The following HHAT variants were observed in gnomAD, a reference collection of about 807,000 sequenced individuals.
HHAT encodes the protein hedgehog acyltransferase, also known as protein-cysteine N-palmitoyltransferase HHAT.
Under a neutral mutation model 70.8 loss-of-function variants are expected in HHAT, and 47 were observed. That is an observed-to-expected ratio of 0.66 (90% CI 0.53 to 0.85). HHAT has a LOEUF of 0.85. HHAT is among the 40% of genes least tolerant of loss of function. HHAT has a pLI of 0.00. For synonymous variants in HHAT, 228 were observed against 247.6 expected (o/e 0.92, Z 0.74); for missense variants, 609 against 604.8 (o/e 1.01, Z -0.07).
chr1:210,366,654 A>T (rs1347550488), intron 3 of HHAT, among the ~76,000 whole-genome samples: 1 of 152,182 alleles, frequency 6.6e-6, no homozygotes, highest in Non-Finnish European at 1.5e-5. Context: ...GAAACAATTT[A>T]AAAAGTCTCC....
At chr1:210,648,744 A>G (rs1387064297) in intron 11 of HHAT, among the ~76,000 whole-genome samples, 2 of 152,236 alleles carry the variant, frequency 1.3e-5, no homozygotes. Context: ...TATTTGTCCT[A>G]TAGAGAAATG....
intron 3 of HHAT, among the ~76,000 whole-genome samples, chr1:210,373,662 T>C (rs1571965388): frequency 6.6e-6 from 1 of 152,226 alleles, no homozygotes; most frequent in African/African-American, 2.4e-5. Context: ...TGTGTACGTT[T>C]ATTAAACACT....
chr1:210,632,994 A>G (rs959710131), intron 11 of HHAT, among the ~76,000 whole-genome samples: 66 of 152,280 alleles, frequency 4.3e-4, no homozygotes, highest in African/African-American at 1.5e-3. Context: ...CCTCCCCACC[A>G]GATGTTGAGG....
At chr1:210,343,779 AAG>A (rs2086250321) in intron 1 of HHAT, among the ~76,000 whole-genome samples, 1 of 152,162 alleles carries the variant, frequency 6.6e-6, no homozygotes, top group Non-Finnish European at 1.5e-5. Flanking sequence ...AACTTCCTGA[AAG>A]AGGTCCAGAT....
rs371722219 is a variant in HHAT, at chr1:210,583,947, A to ATTTTTTTTTT, written c.1044-3937_1044-3928dup. ...TTTTCTGACATATACAGTGCAGCTA[A>ATTTTTTTTTT]TTTTTTTTTTTTTTTTTTTTTTTGT... On this transcript the variant is annotated intron_variant, in intron 9 of 11. Transcript: ENST00000261458. 1.6e-3 allele frequency among the ~76,000 whole-genome samples: 140 copies of ATTTTTTTTTT among 88,986 alleles called. 3 individuals are homozygous for ATTTTTTTTTT. The highest frequency in any genetic ancestry group is 1.9e-3 in the East Asian group (5 of 2,664). 58.4% of individuals were successfully genotyped at this position (88,986 alleles called of 152,430 possible). A position where few individuals can be genotyped will look rare whatever the true frequency, so the allele number is the denominator to read the frequency against.
intron 10 of HHAT, among the ~76,000 whole-genome samples, chr1:210,616,837 T>A (rs997699945): frequency 2.0e-5 from 3 of 152,230 alleles, no homozygotes; most frequent in Non-Finnish European, 4.4e-5. Context: ...GAATAGTTTT[T>A]ACCTACTTTA....
chr1:210,389,847 C>G (rs2091335151), intron 4 of HHAT, among the ~76,000 whole-genome samples: 1 of 152,192 alleles, frequency 6.6e-6, no homozygotes, highest in African/African-American at 2.4e-5. Flanking sequence ...CCAATTGCCT[C>G]TTAAAGGCTG....
intron 9 of HHAT, among the ~76,000 whole-genome samples, chr1:210,547,449 A>G (rs547387335): frequency 6.6e-6 from 1 of 152,200 alleles, no homozygotes; most frequent in African/African-American, 2.4e-5. Flanking sequence ...TGGTATTAAT[A>G]GAAAATTACA....
At chr1:210,486,823 A>G (rs902882353) in intron 8 of HHAT, among the ~76,000 whole-genome samples, 2 of 152,136 alleles carry the variant, frequency 1.3e-5, no homozygotes, top group African/African-American at 4.8e-5. Context: ...GGCTTGAGCA[A>G]TGGGCAGGTA....
chr1:210,569,396 A>AAAAAAAAAAAAAAAAAAAAC (rs1655654706), intron 9 of HHAT, among the ~76,000 whole-genome samples: 1 of 147,630 alleles, frequency 6.8e-6, no homozygotes, highest in Non-Finnish European at 1.5e-5. Flanking sequence ...AAAAAAAAAA[A>AAAAAAAAAAAAAAAAAAAAC]AAAGCGTATA....
At chr1:210,652,414 G>C (rs1398526516) in intron 11 of HHAT, among the ~76,000 whole-genome samples, 1 of 152,174 alleles carries the variant, frequency 6.6e-6, no homozygotes. Flanking sequence ...TAAAGATTCA[G>C]AAACAGTGAA....
chr1:210,328,364 C>T (rs1571600271), upstream of HHAT: 1 of 152,214 alleles, frequency 6.6e-6, no homozygotes, highest in African/African-American at 2.4e-5. Flanking sequence ...TCTTCGTACC[C>T]ATTTTGCAGT....
chr1:210,508,262 T>C (rs918997324), intron 8 of HHAT, among the ~76,000 whole-genome samples: 2 of 149,892 alleles, frequency 1.3e-5, no homozygotes, highest in African/African-American at 4.9e-5. Context: ...CAACTATAAT[T>C]TGTCACTATG....
chr1:210,480,262 T>C (rs2094373672), intron 8 of HHAT, among the ~76,000 whole-genome samples: 1 of 152,168 alleles, frequency 6.6e-6, no homozygotes, highest in South Asian at 2.1e-4. Flanking sequence ...CACCTCCGTA[T>C]TGAAATCCCA....
intron 10 of HHAT, among the ~76,000 whole-genome samples, chr1:210,622,584 A>C (rs1669052124): frequency 6.6e-6 from 1 of 152,170 alleles, no homozygotes; most frequent in African/African-American, 2.4e-5. Flanking sequence ...GGAATTCTTT[A>C]TTGTGATGCT....
intron 7 of HHAT, among the ~76,000 whole-genome samples, chr1:210,432,778 G>A (rs193192078): frequency 4.0e-5 from 6 of 151,804 alleles, no homozygotes; most frequent in African/African-American, 1.5e-4. Context: ...TTTCTTTCCA[G>A]CACATGGGCA....
chr1:210,660,284 A>G (rs967463061), intron 11 of HHAT, among the ~76,000 whole-genome samples: 1 of 152,182 alleles, frequency 6.6e-6, no homozygotes, highest in African/African-American at 2.4e-5. Context: ...ACAAACAGAG[A>G]GCGAAATCAT....
At chr1:210,550,511 G>A (rs2095519126) in intron 9 of HHAT, among the ~76,000 whole-genome samples, 1 of 148,984 alleles carries the variant, frequency 6.7e-6, no homozygotes, top group Non-Finnish European at 1.5e-5. Flanking sequence ...TGTGAGCACG[G>A]TAACGAGCAC....
chr1:210,492,194 G>A (rs2094563066), intron 8 of HHAT, among the ~76,000 whole-genome samples: 2 of 151,978 alleles, frequency 1.3e-5, no homozygotes, highest in African/African-American at 2.4e-5. Context: ...TTCAGCTTAG[G>A]TCAAGACTCT....
Sources: allele counts gnomAD v4.1 joint callset (sites outside exome capture counted in the v4.1 genomes callset), GRCh38; gene constraint gnomAD v4.1.1; transcripts MANE v1.5; gene names NCBI Gene and HGNC (gene_info 2026-07-23, HGNC 2026-07-21).